TRAPPC9: variants seen among roughly 807,000 people sequenced by gnomAD.
TRAPPC9 encodes the protein IKK2 binding protein.
A neutral mutation model predicts 124.0 loss-of-function variants in TRAPPC9; 83 were observed. The ratio of observed to expected loss-of-function variants is 0.67; its 90% CI spans 0.56 to 0.80. TRAPPC9 has a LOEUF of 0.80. Among genes scored for constraint, TRAPPC9 ranks in the 30% least tolerant of loss-of-function variants. TRAPPC9 has a pLI of 0.00. For synonymous variants in TRAPPC9, 638 were observed against 617.5 expected (o/e 1.03, Z -0.49); for missense variants, 1,302 against 1,508.3 (o/e 0.86, Z 2.27).
chr8:140,278,601 C>T (rs1250325499), intron 14 of TRAPPC9, among the ~76,000 whole-genome samples: 1 of 152,228 alleles, frequency 6.6e-6, no homozygotes, highest in Non-Finnish European at 1.5e-5. Context: ...TCACAGCTGC[C>T]TCCTGCTGAG....
intron 9 of TRAPPC9, among the ~76,000 whole-genome samples, chr8:140,356,424 G>A (rs182539960): frequency 1.3e-5 from 2 of 152,274 alleles, no homozygotes; most frequent in African/African-American, 4.8e-5. Flanking sequence ...AGTGGAATGG[G>A]TCACTCCAAT....
chr8:139,961,614 C>T (rs1288434859), intron 19 of TRAPPC9, among the ~76,000 whole-genome samples: 1 of 123,446 alleles, frequency 8.1e-6, no homozygotes, highest in Non-Finnish European at 1.9e-5. Context: ...AGGACCTGGG[C>T]GTTTCTGCAG....
At chr8:140,307,732 T>A (rs1053974982) in intron 10 of TRAPPC9, among the ~76,000 whole-genome samples, 3 of 152,210 alleles carry the variant, frequency 2.0e-5, no homozygotes, top group African/African-American at 7.2e-5. Flanking sequence ...GGCAGAAGCC[T>A]ACTCGAATCT....
chr8:140,037,629 C>T (rs987683210), intron 17 of TRAPPC9, among the ~76,000 whole-genome samples: 3 of 149,914 alleles, frequency 2.0e-5, no homozygotes, highest in African/African-American at 7.4e-5. Context: ...CAGACACATA[C>T]ACACACACAA....
chr8:140,079,313 A>C (rs966820111), intron 17 of TRAPPC9, among the ~76,000 whole-genome samples: 3 of 152,186 alleles, frequency 2.0e-5, no homozygotes, highest in Admixed American at 6.5e-5. Context: ...GCAACAAAGA[A>C]TCTGAGAAGA....
At chr8:140,031,193 G>A (rs777744723) in intron 17 of TRAPPC9, among the ~76,000 whole-genome samples, 4 of 152,174 alleles carry the variant, frequency 2.6e-5, no homozygotes, top group Non-Finnish European at 5.9e-5. Context: ...CCCGGGTTCT[G>A]CATCAGAAGA....
chr8:139,807,612 C>T (rs927240150), intron 21 of TRAPPC9, among the ~76,000 whole-genome samples: 12 of 152,134 alleles, frequency 7.9e-5, no homozygotes, highest in African/African-American at 2.2e-4. Flanking sequence ...GCACTGCGGA[C>T]GAAAGTGTGC....
chr8:140,075,161 A>C (rs1587651999), intron 17 of TRAPPC9, among the ~76,000 whole-genome samples: 1 of 151,978 alleles, frequency 6.6e-6, no homozygotes, highest in East Asian at 1.9e-4. Context: ...CTCCAGAAAA[A>C]CACCACCCTT....
intron 17 of TRAPPC9, among the ~76,000 whole-genome samples, chr8:140,130,340 T>C (rs1374541066): frequency 6.6e-6 from 1 of 152,180 alleles, no homozygotes; most frequent in Non-Finnish European, 1.5e-5. Context: ...AGACACCACC[T>C]TACTCAAGTG....
intron 11 of TRAPPC9, among the ~76,000 whole-genome samples, chr8:140,294,844 C>A (rs2065761612): frequency 6.6e-6 from 1 of 152,084 alleles, no homozygotes; most frequent in African/African-American, 2.4e-5. Flanking sequence ...CTCCTGACCT[C>A]AACTAATCCC....
chr8:140,268,957 A>G (rs1471051149), intron 15 of TRAPPC9, among the ~76,000 whole-genome samples: 1 of 152,156 alleles, frequency 6.6e-6, no homozygotes, highest in African/African-American at 2.4e-5. Context: ...TAGGCCGACC[A>G]GGTAAATGGA....
At chr8:139,943,182 T>G (rs1223907544) in intron 19 of TRAPPC9, among the ~76,000 whole-genome samples, 1 of 152,218 alleles carries the variant, frequency 6.6e-6, no homozygotes, top group East Asian at 1.9e-4. Context: ...TTCTCCTGTC[T>G]CAGCCTCCCA....
At chr8:140,351,832 G>A (rs1297932310) in intron 9 of TRAPPC9, among the ~76,000 whole-genome samples, 1 of 152,176 alleles carries the variant, frequency 6.6e-6, no homozygotes, top group African/African-American at 2.4e-5. Context: ...CAATGAGACA[G>A]AGAGGTCTGC....
intron 14 of TRAPPC9, 70 bp from the exon 15 acceptor site, chr8:140,275,891 T>C (rs917571806): frequency 2.8e-5 from 36 of 1,285,630 alleles, no homozygotes; most frequent in Non-Finnish European, 3.7e-5. Flanking sequence ...ATTACTCACT[T>C]CCCAAAGAAG....
At chr8:140,327,031 C>T (rs1238130609) in intron 9 of TRAPPC9, among the ~76,000 whole-genome samples, 1 of 152,176 alleles carries the variant, frequency 6.6e-6, no homozygotes, top group African/African-American at 2.4e-5. Flanking sequence ...GTGAGCGGAT[C>T]ACCTGAGGTC....
chr8:140,418,759 T>TAGAC (rs1404723607), intron 5 of TRAPPC9, among the ~76,000 whole-genome samples: 5 of 150,464 alleles, frequency 3.3e-5, no homozygotes, highest in South Asian at 2.1e-4. Flanking sequence ...GATAGATAGA[T>TAGAC]AGATAGATAG....
intron 19 of TRAPPC9, among the ~76,000 whole-genome samples, chr8:139,926,169 C>T (rs1449576354): frequency 6.6e-6 from 1 of 152,226 alleles, no homozygotes; most frequent in Non-Finnish European, 1.5e-5. Context: ...TGGAGAGACC[C>T]AGAACAATGC....
At chr8:140,143,279 G>A (rs2061408346) in intron 17 of TRAPPC9, among the ~76,000 whole-genome samples, 1 of 152,202 alleles carries the variant, frequency 6.6e-6, no homozygotes, top group African/African-American at 2.4e-5. Context: ...GGCCCTGGCA[G>A]CATGATCTGT....
intron 18 of TRAPPC9, among the ~76,000 whole-genome samples, chr8:140,021,931 G>A (rs944036436): frequency 1.3e-5 from 2 of 152,194 alleles, no homozygotes; most frequent in African/African-American, 2.4e-5. Flanking sequence ...GTGCAGAAGC[G>A]CACTGGTGTA....
Sources: allele counts gnomAD v4.1 joint callset (sites outside exome capture counted in the v4.1 genomes callset), GRCh38; gene constraint gnomAD v4.1.1; transcripts MANE v1.5; gene names NCBI Gene and HGNC (gene_info 2026-07-23, HGNC 2026-07-21).